Variants in CCDC102B observed in about 807,000 individuals in gnomAD.
CCDC102B encodes coiled-coil domain-containing protein 102B.
CCDC102B carries 75 observed loss-of-function variants against 57.4 expected under a neutral mutation model. That is an observed-to-expected ratio of 1.31 (90% confidence interval 1.08 to 1.58). The LOEUF is 1.58. Among genes scored for constraint, CCDC102B ranks in the 40% most tolerant of loss-of-function variants. CCDC102B has a pLI of 0.00. For missense variants in CCDC102B, 636 were observed against 582.6 expected (o/e 1.09, Z -0.94); for synonymous variants, 206 against 201.9 (o/e 1.02, Z -0.17).
At position 69,038,922 on chromosome 18, in the gene CCDC102B, A is replaced by G. The variant is rs547474632; in HGVS notation, c.1435-15108A>G. Among the ~76,000 whole-genome samples, 11 of 152,126 alleles carry G rather than the reference A, an allele frequency of 7.2e-5. No individual in the cohort carries two copies. The South Asian group carries it at 1.9e-3, about 26-fold the overall frequency. On this transcript the variant is annotated intron_variant, in intron 7 of 7. Transcript: ENST00000360242. ...ATCTTAAACATTATCGAGTGGCTCA[A>G]TGTTTGATTAGGCTACACATTTTTA...
intron 7 of CCDC102B, among the ~76,000 whole-genome samples, chr18:69,025,890 G>T (rs1453056647): frequency 6.6e-6 from 1 of 152,110 alleles, no homozygotes; most frequent in African/African-American, 2.4e-5. Flanking sequence ...CACATGCTGG[G>T]GTGGAGGTAA....
At chr18:68,910,502 A>G (rs918798834) in intron 6 of CCDC102B, among the ~76,000 whole-genome samples, 1 of 152,178 alleles carries the variant, frequency 6.6e-6, no homozygotes, top group Admixed American at 6.5e-5. Context: ...AACCCCCTCT[A>G]AAGTTGCAAG....
chr18:68,864,621 C>T (rs1002221774), intron 4 of CCDC102B, among the ~76,000 whole-genome samples: 1 of 151,876 alleles, frequency 6.6e-6, no homozygotes, highest in Non-Finnish European at 1.5e-5. Flanking sequence ...GGGCATATAT[C>T]TTCCACTACT....
intron 6 of CCDC102B, among the ~76,000 whole-genome samples, chr18:69,002,191 T>G (rs653893): frequency 6.6e-6 from 1 of 152,154 alleles, no homozygotes; most frequent in African/African-American, 2.4e-5. Context: ...AACAATAGAC[T>G]TGAAAATCAG....
At chr18:68,946,283 T>A (rs979636356) in intron 6 of CCDC102B, among the ~76,000 whole-genome samples, 3 of 152,086 alleles carry the variant, frequency 2.0e-5, no homozygotes, top group Non-Finnish European at 2.9e-5. Flanking sequence ...TAGCAACACG[T>A]ATTCATATAA....
chr18:68,745,295 C>A (rs1311943270), intron 2 of CCDC102B, among the ~76,000 whole-genome samples: 2 of 151,832 alleles, frequency 1.3e-5, no homozygotes, highest in Non-Finnish European at 2.9e-5. Context: ...TCACGTAGGG[C>A]AAGCATGTGG....
intron 5 of CCDC102B, 61 bp from the exon 6 acceptor site, chr18:68,897,158 G>A: frequency 7.9e-7 from 1 of 1,273,466 alleles, no homozygotes; most frequent in Non-Finnish European, 1.1e-6. Flanking sequence ...GGTTGTGGGT[G>A]GCATTATCTT....
intron 2 of CCDC102B, among the ~76,000 whole-genome samples, chr18:68,779,047 G>A (rs946586921): frequency 4.6e-5 from 7 of 151,960 alleles, no homozygotes; most frequent in African/African-American, 1.2e-4. Context: ...CCTGTTTAAC[G>A]ACACACACTA....
At chr18:69,047,922 A>G (rs2052607587) in intron 7 of CCDC102B, among the ~76,000 whole-genome samples, 1 of 152,154 alleles carries the variant, frequency 6.6e-6, no homozygotes, top group South Asian at 2.1e-4. Flanking sequence ...GTTCATGGAC[A>G]GGAAGAATCA....
chr18:68,982,646 G>A (rs1047820547), intron 6 of CCDC102B, among the ~76,000 whole-genome samples: 1 of 151,666 alleles, frequency 6.6e-6, no homozygotes, highest in Non-Finnish European at 1.5e-5. Flanking sequence ...ATAAAACTAG[G>A]TGCTTGTATT....
At chr18:68,889,030 GT>G (rs5825880) in intron 5 of CCDC102B, among the ~76,000 whole-genome samples, 2 of 148,532 alleles carry the variant, frequency 1.3e-5, no homozygotes, top group Admixed American at 6.7e-5. Flanking sequence ...GTTTTTCTTT[GT>G]TTTTTTTTTC....
At chr18:68,740,175 T>C (rs1463809208) in intron 2 of CCDC102B, among the ~76,000 whole-genome samples, 2 of 152,182 alleles carry the variant, frequency 1.3e-5, no homozygotes, top group Non-Finnish European at 2.9e-5. Flanking sequence ...CCTGCCCCAG[T>C]TGAGACAACC....
At chr18:68,825,211 G>C (rs1227661802) in intron 1 of CCDC102B, among the ~76,000 whole-genome samples, 1 of 152,124 alleles carries the variant, frequency 6.6e-6, no homozygotes, top group Non-Finnish European at 1.5e-5. Flanking sequence ...AAACTGACAT[G>C]CTTAAAAATT....
intron 2 of CCDC102B, among the ~76,000 whole-genome samples, chr18:68,783,345 G>T (rs924786667): frequency 2.6e-5 from 4 of 152,100 alleles, no homozygotes; most frequent in African/African-American, 9.7e-5. Flanking sequence ...CTAAAACTTT[G>T]TGATGTGTCT....
At chr18:68,910,341 T>C (rs918938714) in intron 6 of CCDC102B, among the ~76,000 whole-genome samples, 2 of 152,108 alleles carry the variant, frequency 1.3e-5, no homozygotes, top group Non-Finnish European at 2.9e-5. Context: ...ATCAATTAGG[T>C]ATGAACATGG....
intron 3 of CCDC102B, among the ~76,000 whole-genome samples, chr18:68,841,639 T>C (rs1478879561): frequency 6.6e-6 from 1 of 152,212 alleles, no homozygotes; most frequent in Non-Finnish European, 1.5e-5. Context: ...CAAATTTCAC[T>C]GCAGAGACCT....
At chr18:69,041,017 G>T (rs1327129685) in intron 7 of CCDC102B, among the ~76,000 whole-genome samples, 2 of 152,056 alleles carry the variant, frequency 1.3e-5, no homozygotes, top group Admixed American at 6.6e-5. Context: ...AAAAAGGAGA[G>T]AAGTAGGCTA....
chr18:69,049,228 C>A (rs1431943255), intron 7 of CCDC102B, among the ~76,000 whole-genome samples: 3 of 151,950 alleles, frequency 2.0e-5, no homozygotes, highest in Non-Finnish European at 4.4e-5. Context: ...GTGTGATGTT[C>A]CCCTCTCTGT....
chr18:69,025,603 G>A (rs58450470), intron 7 of CCDC102B, among the ~76,000 whole-genome samples: 2,664 of 152,270 alleles, frequency 0.017, 83 homozygotes, highest in African/African-American at 0.06. Flanking sequence ...TCTGGTGAAA[G>A]TTATAGATCA....
Sources: gnomAD v4.1 joint callset for allele counts (sites outside exome capture counted in the v4.1 genomes callset) on GRCh38, gnomAD v4.1.1 for gene constraint, MANE v1.5 for transcripts, NCBI Gene and HGNC (gene_info 2026-07-23, HGNC 2026-07-21) for gene names.